The following OR51B5 variants were observed in gnomAD, a reference collection of about 807,000 sequenced individuals.
OR51B5 encodes the protein olfactory receptor family 51 subfamily B member 5, also known as olfactory receptor 51B5.
For missense variants in OR51B5, 456 were observed against 374.6 expected, an observed-to-expected ratio of 1.22 and a Z score of -1.79; for synonymous variants, 186 against 144.8, an observed-to-expected ratio of 1.28 and a Z score of -2.04.
intron 1 of OR51B5, among the ~76,000 whole-genome samples, chr11:5,471,617 C>G (rs1488240754): frequency 7.4e-6 from 1 of 134,738 alleles, no homozygotes; most frequent in Non-Finnish European, 1.5e-5. Flanking sequence ...GCCTGGGTGA[C>G]AGAGCAAGAC....
chr11:5,433,001 A>G (rs1478097548), intron 1 of OR51B5, among the ~76,000 whole-genome samples: 6 of 152,186 alleles, frequency 3.9e-5, no homozygotes, highest in Non-Finnish European at 8.8e-5. Flanking sequence ...GTTTTGAATG[A>G]AAGTGAGACT....
At chr11:5,471,050 G>A (rs756219433) in intron 1 of OR51B5, among the ~76,000 whole-genome samples, 23 of 152,130 alleles carry the variant, frequency 1.5e-4, no homozygotes, top group African/African-American at 4.6e-4. Context: ...AGAACTTGTC[G>A]TCTTCCAATA....
chr11:5,500,328 A>T (rs1374210566), intron 1 of OR51B5, among the ~76,000 whole-genome samples: 2 of 152,196 alleles, frequency 1.3e-5, no homozygotes, highest in African/African-American at 2.4e-5. Flanking sequence ...GGATTAACAA[A>T]ACTCCTCTGT....
intron 1 of OR51B5, among the ~76,000 whole-genome samples, chr11:5,460,147 C>G (rs1014692648): frequency 1.3e-5 from 2 of 152,082 alleles, no homozygotes; most frequent in Non-Finnish European, 2.9e-5. Flanking sequence ...AATGCAGAAA[C>G]AGAAAACCAC....
intron 1 of OR51B5, chr11:5,456,165 A>G (rs1266729692): frequency 6.6e-6 from 1 of 152,196 alleles, no homozygotes; most frequent in Non-Finnish European, 1.5e-5. Flanking sequence ...GCAGCGAGGG[A>G]TACATTCTTT....
At chr11:5,487,035 G>T (rs1851508562) in intron 1 of OR51B5, among the ~76,000 whole-genome samples, 1 of 152,150 alleles carries the variant, frequency 6.6e-6, no homozygotes, top group South Asian at 2.1e-4. Flanking sequence ...AGCCTCATTT[G>T]AAAGAGATAG....
At chr11:5,488,722 C>G (rs1355817813) in intron 1 of OR51B5, 1 of 1,612,960 alleles carries the variant, frequency 6.2e-7, no homozygotes, top group Non-Finnish European at 8.5e-7. Flanking sequence ...AGATTCCAAC[C>G]TCAGTGATAA....
chr11:5,399,844 G>T (rs1020911213), intron 1 of OR51B5, among the ~76,000 whole-genome samples: 1 of 152,076 alleles, frequency 6.6e-6, no homozygotes, highest in African/African-American at 2.4e-5. Flanking sequence ...GGCAGAGGAG[G>T]AGAGACTCTA....
At chr11:5,370,111 T>C (rs1849426646) in intron 1 of OR51B5, among the ~76,000 whole-genome samples, 1 of 152,126 alleles carries the variant, frequency 6.6e-6, no homozygotes, top group South Asian at 2.1e-4. Flanking sequence ...TCTATAGAAA[T>C]GCATATAGAA....
chr11:5,391,389 C>T (rs1849793284), intron 1 of OR51B5: 1 of 152,192 alleles, frequency 6.6e-6, no homozygotes, highest in South Asian at 2.1e-4. Flanking sequence ...ACAGTAATGT[C>T]CTGTTTATGA....
At chr11:5,488,798 C>A in intron 1 of OR51B5, 1 of 1,614,050 alleles carries the variant, frequency 6.2e-7, no homozygotes, top group Non-Finnish European at 8.5e-7. Flanking sequence ...TTCTGGATTG[C>A]CATCCCTTTC....
downstream of OR51B5, chr11:5,340,653 A>C (rs1848879575): frequency 6.6e-6 from 1 of 152,194 alleles, no homozygotes; most frequent in African/African-American, 2.4e-5. Flanking sequence ...GACGGAATAC[A>C]AGGCAAAAAG....
In OR51B5 at chr11:5,366,681, A is replaced by AAGAAGG. The variant is rs527280364; in HGVS notation, n.85-19777_85-19772dup. On this transcript the variant is annotated intron_variant and non_coding_transcript_variant, in intron 1 of 4. Coordinates refer to the OR51B5 transcript ENST00000415970. ...GGAAAGGAAGGAAGAGAAGAAGAAG[A>AAGAAGG]AGAAGGAGAAGGAGAAGAAAAAGTA... Among the ~76,000 whole-genome samples the AAGAAGG allele has an allele frequency of 6.1e-4, 92 of 151,516 alleles. 1 individual carries two copies. The highest frequency in any genetic ancestry group is 1.1e-3 in the Non-Finnish European group (72 of 67,854).
chr11:5,455,492 G>A (rs1850938341), intron 1 of OR51B5: 1 of 143,584 alleles, frequency 7.0e-6, no homozygotes, highest in Non-Finnish European at 1.5e-5. Context: ...TGCTAATTTT[G>A]GTGCTGTCAT....
chr11:5,444,736 T>C (rs1323504491), intron 1 of OR51B5, among the ~76,000 whole-genome samples: 1 of 152,068 alleles, frequency 6.6e-6, no homozygotes, highest in Admixed American at 6.6e-5. Context: ...CTTGCTTGTG[T>C]GTGGTGGGAG....
At chr11:5,344,404 CAAGT>C (rs1463423951), upstream of OR51B5, among the ~76,000 whole-genome samples, 1 of 152,080 alleles carries the variant, frequency 6.6e-6, no homozygotes, top group Non-Finnish European at 1.5e-5. Flanking sequence ...TCTCTCATTT[CAAGT>C]TCTCCATTTA....
intron 1 of OR51B5, chr11:5,351,579 G>GA: frequency 6.2e-7 from 1 of 1,614,084 alleles, no homozygotes; most frequent in Non-Finnish European, 8.5e-7. Flanking sequence ...CACATCACTG[G>GA]ATATTCATCC....
intron 1 of OR51B5, among the ~76,000 whole-genome samples, chr11:5,410,820 T>A (rs1271217299): frequency 6.6e-6 from 1 of 152,130 alleles, no homozygotes; most frequent in Non-Finnish European, 1.5e-5. Flanking sequence ...ATGTCTTAAT[T>A]TTTAACAAAA....
intron 1 of OR51B5, among the ~76,000 whole-genome samples, chr11:5,379,159 T>C (rs1849572842): frequency 6.6e-6 from 1 of 151,862 alleles, no homozygotes; most frequent in Non-Finnish European, 1.5e-5. Context: ...ATGTCCTTTG[T>C]AGGGACATGG....
Sources: gnomAD v4.1 joint callset for allele counts (sites outside exome capture counted in the v4.1 genomes callset) on GRCh38, gnomAD v4.1.1 for gene constraint, MANE v1.5 for transcripts, NCBI Gene and HGNC (gene_info 2026-07-23, HGNC 2026-07-21) for gene names.